Variants in NEK7 observed in about 807,000 individuals in gnomAD.
The protein encoded by NEK7 is serine/threonine-protein kinase Nek7.
In NEK7, 18 loss-of-function variants were observed where a neutral mutation model predicts 44.6. That is an observed-to-expected ratio of 0.40 (90% CI 0.28 to 0.60). NEK7 has a LOEUF of 0.60. Ranked by LOEUF, NEK7 falls within the 20% of genes least tolerant of loss-of-function variation. NEK7 has a pLI of 0.38. For synonymous variants in NEK7, 130 were observed against 121.1 expected (o/e 1.07, Z -0.48); for missense variants, 256 against 366.5 (o/e 0.70, Z 2.46).
At chr1:198,232,777 A>ATTT in intron 2 of NEK7, 140 bp downstream of exon 2, 3 of 387,398 alleles carry the variant, frequency 7.7e-6, no homozygotes, top group Non-Finnish European at 1.4e-5. Context: ...TTTAATCAGC[A>ATTT]TTTTTTTTTT....
chr1:198,179,010 A>G (rs1226689455), intron 1 of NEK7, among the ~76,000 whole-genome samples: 3 of 142,164 alleles, frequency 2.1e-5, no homozygotes, highest in Non-Finnish European at 4.6e-5. Context: ...TTTTTTTTTT[A>G]AGGAAAAGCC....
chr1:198,255,148 A>G (rs1653211142), intron 3 of NEK7, among the ~76,000 whole-genome samples: 1 of 152,168 alleles, frequency 6.6e-6, no homozygotes, highest in Admixed American at 6.6e-5. Flanking sequence ...CCAGGCTATA[A>G]ATATGAGCCC....
At chr1:198,158,665 T>G (rs1017980878) in intron 1 of NEK7, among the ~76,000 whole-genome samples, 2 of 152,220 alleles carry the variant, frequency 1.3e-5, no homozygotes, top group Non-Finnish European at 1.5e-5. Context: ...CCTCTAATGC[T>G]TTGTGGCAAC....
intron 1 of NEK7, among the ~76,000 whole-genome samples, chr1:198,175,297 ATG>A (rs887495872): frequency 2.0e-5 from 3 of 152,124 alleles, no homozygotes; most frequent in African/African-American, 7.2e-5. Context: ...TTTTATTTAA[ATG>A]TGTTTTTCAT....
intron 3 of NEK7, among the ~76,000 whole-genome samples, chr1:198,255,210 T>G (rs951477462): frequency 6.6e-6 from 1 of 152,142 alleles, no homozygotes; most frequent in African/African-American, 2.4e-5. Flanking sequence ...CGTAGGCAAT[T>G]GAGGATGCAT....
chr1:198,316,361 T>C (rs928520850), intron 9 of NEK7, among the ~76,000 whole-genome samples: 9 of 152,196 alleles, frequency 5.9e-5, no homozygotes, highest in African/African-American at 1.7e-4. Context: ...GAGATTTATA[T>C]TGATTCACAT....
chr1:198,261,963 A>G (rs1314447906), intron 3 of NEK7, among the ~76,000 whole-genome samples: 1 of 151,828 alleles, frequency 6.6e-6, no homozygotes, highest in Non-Finnish European at 1.5e-5. Context: ...AATAGAGTAA[A>G]ATTTTGTTAC....
chr1:198,176,618 G>C (rs1056279794), intron 1 of NEK7, among the ~76,000 whole-genome samples: 2 of 151,908 alleles, frequency 1.3e-5, no homozygotes, highest in African/African-American at 4.8e-5. Context: ...TGGGTATGTA[G>C]AATAAGAATT....
intron 1 of NEK7, among the ~76,000 whole-genome samples, chr1:198,231,041 C>T (rs68013245): frequency 0.2 from 30,015 of 151,096 alleles, 3,554 homozygotes; most frequent in African/African-American, 0.32. Flanking sequence ...TTTAGAAAAT[C>T]GAAATAGGCT....
At chr1:198,199,269 C>A (rs1193368558) in intron 1 of NEK7, among the ~76,000 whole-genome samples, 1 of 152,194 alleles carries the variant, frequency 6.6e-6, no homozygotes, top group Non-Finnish European at 1.5e-5. Context: ...GCTAGAACAG[C>A]CCTTCAGGAA....
intron 1 of NEK7, among the ~76,000 whole-genome samples, chr1:198,207,859 G>C (rs1356286882): frequency 3.3e-5 from 5 of 152,040 alleles, no homozygotes; most frequent in African/African-American, 7.2e-5. Flanking sequence ...AAAAATAAAT[G>C]TTAAAAAGGG....
chr1:198,270,218 T>G (rs780482865), intron 5 of NEK7, among the ~76,000 whole-genome samples: 8 of 152,042 alleles, frequency 5.3e-5, no homozygotes, highest in Non-Finnish European at 1.2e-4. Flanking sequence ...CAAAATATAC[T>G]TCATTCATTG....
intron 9 of NEK7, among the ~76,000 whole-genome samples, chr1:198,310,667 T>C (rs995414735): frequency 7.9e-5 from 12 of 152,142 alleles, no homozygotes; most frequent in African/African-American, 2.2e-4. Context: ...ATACGGCTAG[T>C]CAGTTTCCCC....
chr1:198,189,990 T>C (rs532843707), intron 1 of NEK7, among the ~76,000 whole-genome samples: 2 of 152,244 alleles, frequency 1.3e-5, no homozygotes, highest in African/African-American at 4.8e-5. Context: ...TATAGGCAAA[T>C]GTTAAGAATG....
At chr1:198,251,822 A>T (rs911478946) in intron 2 of NEK7, among the ~76,000 whole-genome samples, 1 of 151,988 alleles carries the variant, frequency 6.6e-6, no homozygotes, top group African/African-American at 2.4e-5. Context: ...CTTTCAAAAA[A>T]CCAGCTCCTG....
intron 9 of NEK7, among the ~76,000 whole-genome samples, chr1:198,311,993 G>A (rs1191278245): frequency 6.6e-6 from 1 of 152,172 alleles, no homozygotes; most frequent in Non-Finnish European, 1.5e-5. Context: ...CTATTGATTG[G>A]AATAGTTTCA....
At chr1:198,283,399 A>G (rs1377714167) in intron 7 of NEK7, among the ~76,000 whole-genome samples, 1 of 151,952 alleles carries the variant, frequency 6.6e-6, no homozygotes, top group Non-Finnish European at 1.5e-5. Context: ...AGTACACCAC[A>G]TTGGAACTCA....
chr1:198,289,149 G>A (rs1005611798), intron 7 of NEK7, among the ~76,000 whole-genome samples: 7 of 151,844 alleles, frequency 4.6e-5, no homozygotes, highest in African/African-American at 1.5e-4. Flanking sequence ...GTGTGTGTGT[G>A]TGTGTGTGTG....
At chr1:198,196,003 G>C (rs994381871) in intron 1 of NEK7, among the ~76,000 whole-genome samples, 1 of 152,016 alleles carries the variant, frequency 6.6e-6, no homozygotes, top group Non-Finnish European at 1.5e-5. Flanking sequence ...TATTGTTCCT[G>C]CTACCAGAAG....
Sources: allele counts gnomAD v4.1 joint callset (sites outside exome capture counted in the v4.1 genomes callset), GRCh38; gene constraint gnomAD v4.1.1; transcripts MANE v1.5; gene names NCBI Gene and HGNC (gene_info 2026-07-23, HGNC 2026-07-21).